Variants in MYO16 observed in about 807,000 individuals in gnomAD.
The protein encoded by MYO16 is myosin XVI.
In MYO16, 94 loss-of-function variants were observed where a neutral mutation model predicts 205.3. The ratio of observed to expected loss-of-function variants is 0.46; its 90% CI spans 0.39 to 0.54. The LOEUF is 0.54. Among genes scored for constraint, MYO16 ranks in the 20% least tolerant of loss-of-function variants. The pLI, the probability that MYO16 is intolerant of heterozygous loss-of-function variation, is 0.00. For missense variants in MYO16, 2,315 were observed against 2,387.5 expected (o/e 0.97, Z 0.63); for synonymous variants, 988 against 954.0 (o/e 1.04, Z -0.66).
intron 10 of MYO16, among the ~76,000 whole-genome samples, chr13:108,847,913 T>A (rs950458959): frequency 6.6e-6 from 1 of 152,084 alleles, no homozygotes; most frequent in Non-Finnish European, 1.5e-5. Flanking sequence ...CCTTCAGACA[T>A]TTTTATTTAA....
chr13:108,996,299 A>G (rs1056512258), intron 21 of MYO16, among the ~76,000 whole-genome samples: 5 of 152,190 alleles, frequency 3.3e-5, no homozygotes, highest in Non-Finnish European at 7.3e-5. Context: ...CTTCTTCAAC[A>G]TATAAAATGC....
chr13:108,945,322 G>A (rs1027915211), intron 16 of MYO16, among the ~76,000 whole-genome samples: 1 of 152,146 alleles, frequency 6.6e-6, no homozygotes, highest in Non-Finnish European at 1.5e-5. Flanking sequence ...TAATGTAGAA[G>A]TGATTGTGAC....
chr13:109,162,546 T>A lies in MYO16; in HGVS notation c.5165-2355T>A, dbSNP rs1878438188. 6.6e-6 allele frequency among the ~76,000 whole-genome samples: 1 copy of A among 152,146 alleles called. No homozygotes were observed. The highest frequency in any genetic ancestry group is 2.4e-5 in the African/African-American group (1 of 41,422). ...CCCACCTTGCCTGGCTGCCCACCAGTGTTTTCCACTTACTAGGTTTTCCAC... is the reference window on the plus strand; with the variant it reads ...CCCACCTTGCCTGGCTGCCCACCAGAGTTTTCCACTTACTAGGTTTTCCAC... On this transcript the variant is annotated intron_variant, in intron 32 of 34. Transcript: ENST00000457511. The surrounding 1 kb of genome is among the most constrained non-coding windows in gnomAD (Gnocchi z 4.6).
the MYO16 span, among the ~76,000 whole-genome samples, chr13:108,533,235 C>T: frequency 2.6e-5 from 4 of 152,104 alleles, no homozygotes; most frequent in African/African-American, 9.7e-5. Context: ...AGAGAAGTTA[C>T]CTCCCGAGAG....
intron 23 of MYO16, among the ~76,000 whole-genome samples, chr13:109,021,728 A>C (rs1424749027): frequency 6.6e-6 from 1 of 152,158 alleles, no homozygotes; most frequent in Non-Finnish European, 1.5e-5. Flanking sequence ...GGTAGGTGAC[A>C]TGTCTAAAAA....
intron 28 of MYO16, among the ~76,000 whole-genome samples, chr13:109,102,820 G>C (rs570764658): frequency 3.4e-4 from 51 of 152,146 alleles, no homozygotes; most frequent in Admixed American, 1.4e-3. Context: ...CTTTCAACAA[G>C]AGCATTAAAA....
intron 1 of MYO16, among the ~76,000 whole-genome samples, chr13:108,660,974 T>C (rs1461127762): frequency 6.6e-6 from 1 of 152,134 alleles, no homozygotes; most frequent in African/African-American, 2.4e-5. Context: ...ACAGTGGTGG[T>C]TTGGTTATGG....
intron 2 of MYO16, among the ~76,000 whole-genome samples, chr13:108,706,619 C>T (rs960091497): frequency 2.0e-5 from 3 of 152,144 alleles, no homozygotes; most frequent in African/African-American, 7.2e-5. Context: ...TCTATTTCTT[C>T]TCTGTACATC....
At chr13:108,666,371 G>T (rs1286041698) in intron 2 of MYO16, among the ~76,000 whole-genome samples, 1 of 151,138 alleles carries the variant, frequency 6.6e-6, no homozygotes, top group Non-Finnish European at 1.5e-5. Context: ...TGTAAAAATT[G>T]TGGTGAGATT....
chr13:108,646,413 A>C (rs577854512), intron 1 of MYO16, among the ~76,000 whole-genome samples: 2 of 152,202 alleles, frequency 1.3e-5, no homozygotes, highest in Non-Finnish European at 2.9e-5. Flanking sequence ...GTTGTATTAA[A>C]GGGTAGTAAT....
At chr13:108,888,532 T>C in intron 14 of MYO16, 55 bp downstream of exon 14, 1 of 1,311,988 alleles carries the variant, frequency 7.6e-7, no homozygotes, top group East Asian at 2.4e-5. Flanking sequence ...CAGCCAGTTG[T>C]CATTTACAAA....
chr13:108,874,781 G>A (rs1180125309), intron 12 of MYO16, among the ~76,000 whole-genome samples: 2 of 151,390 alleles, frequency 1.3e-5, no homozygotes, highest in East Asian at 2.0e-4. Context: ...CTCAAAACAT[G>A]TCACCTATAC....
intron 7 of MYO16, among the ~76,000 whole-genome samples, chr13:108,808,195 C>T (rs72652161): frequency 0.049 from 7,384 of 151,936 alleles, 338 homozygotes; most frequent in East Asian, 0.23. Flanking sequence ...TGCATAGACA[C>T]AAAAAGTATC....
chr13:108,588,884 C>G, the MYO16 span, among the ~76,000 whole-genome samples: 1 of 152,020 alleles, frequency 6.6e-6, no homozygotes, highest in African/African-American at 2.4e-5. Context: ...TTTCAGCCAC[C>G]GAGATTTGGG....
intron 1 of MYO16, among the ~76,000 whole-genome samples, chr13:108,632,235 C>T (rs17477579): frequency 0.18 from 26,972 of 152,082 alleles, 2,876 homozygotes; most frequent in Non-Finnish European, 0.24. Flanking sequence ...CGAGGTTCAT[C>T]GGCCTTCGTC....
chr13:109,130,037 TACAC>T (rs535095130), intron 31 of MYO16, among the ~76,000 whole-genome samples: 9 of 147,238 alleles, frequency 6.1e-5, no homozygotes, highest in Non-Finnish European at 1.0e-4. Context: ...GAGATATATA[TACAC>T]ACACACACAC....
the MYO16 span, among the ~76,000 whole-genome samples, chr13:108,552,748 A>ACTGGGT: frequency 3.9e-5 from 6 of 152,158 alleles, no homozygotes; most frequent in African/African-American, 1.4e-4. Context: ...ACTGTAACAG[A>ACTGGGT]ATACCTGAGA....
chr13:109,174,897 G>A lies in MYO16; in HGVS notation c.5324-4645G>A, dbSNP rs192730336. ...CTCCCGAGTAGCTGGGACTACAGGC[G>A]CATGCCACCACATTTTTTTTTTTGT... is the stretch of plus-strand genomic sequence containing the variant. On this transcript the variant is annotated intron_variant, in intron 33 of 34. Coordinates refer to ENST00000457511, the MANE Select transcript of MYO16 (RefSeq NM_001198950.3). Among the ~76,000 whole-genome samples the A allele has an allele frequency of 1.4e-4, 21 of 150,392 alleles. No individual in the cohort carries two copies. The East Asian group carries it at 1.6e-3, about 11-fold the overall frequency.
intron 27 of MYO16, among the ~76,000 whole-genome samples, chr13:109,057,926 T>C (rs898791988): frequency 6.6e-6 from 1 of 152,060 alleles, no homozygotes; most frequent in African/African-American, 2.4e-5. Context: ...CAGAGGGTGA[T>C]GAGCCTTGAG....
Sources: allele counts gnomAD v4.1 joint callset (sites outside exome capture counted in the v4.1 genomes callset), GRCh38; gene constraint gnomAD v4.1.1; non-coding constraint Gnocchi (gnomAD v3.1); transcripts MANE v1.5; gene names NCBI Gene and HGNC (gene_info 2026-07-23, HGNC 2026-07-21).